The following PLCH2 variants were observed in gnomAD, a reference collection of about 807,000 sequenced individuals.
PLCH2 encodes 1-phosphatidylinositol 4,5-bisphosphate phosphodiesterase eta-2.
Under a neutral mutation model 134.7 loss-of-function variants are expected in PLCH2, and 98 were observed. The observed-to-expected ratio is 0.73, with a 90% CI of 0.62 to 0.86. The LOEUF is 0.86. Among genes scored for constraint, PLCH2 ranks in the 40% least tolerant of loss-of-function variants. PLCH2 has a pLI of 0.00. For missense variants in PLCH2, 1,994 were observed against 1,986.6 expected, an observed-to-expected ratio of 1.00 and a Z score of -0.07; for synonymous variants, 974 against 827.5, an observed-to-expected ratio of 1.18 and a Z score of -3.04.
Position 2,479,955 on chromosome 1 carries a change from C to G in PLCH2, c.493C>G (p.Arg165Gly). The stretch of plus-strand genomic sequence containing the variant: ...CATCAGCGACGAGGACAGCCTGGCT[C>G]GCCGCCAGCGCACCAGGGACCAATA... ...AGISDEDSLA[R>G]RQRTRDQWLK... Residue 165 changes from arginine to glycine, a missense_variant, in exon 3 of 22, where the codon CGC (arginine) becomes GGC (glycine). By Grantham distance (125) the Arg-to-Gly change is moderately radical. Coordinates refer to ENST00000378486, the MANE Select transcript of PLCH2 (RefSeq NM_014638.4). The G allele has an allele frequency of 1.2e-6, 2 of 1,606,760 alleles. No individual in the cohort carries two copies. Among genetic ancestry groups the G allele is most frequent in the Non-Finnish European group, 1.7e-6 (2 of 1,176,056 alleles).
At chr1:2,435,814 C>G (rs1227235010) in intron 2 of PLCH2, among the ~76,000 whole-genome samples, 1 of 132,142 alleles carries the variant, frequency 7.6e-6, no homozygotes, top group South Asian at 2.4e-4. Context: ...AGTGAGCCCC[C>G]ACACCTGGGG....
At chr1:2,436,920 C>A (rs1016145725) in intron 2 of PLCH2, among the ~76,000 whole-genome samples, 4 of 152,212 alleles carry the variant, frequency 2.6e-5, no homozygotes, top group Admixed American at 2.6e-4. Flanking sequence ...AGAGACCACC[C>A]AGCTGAGGCC....
At chr1:2,420,120 A>G in the PLCH2 span, among the ~76,000 whole-genome samples, 1 of 151,794 alleles carries the variant, frequency 6.6e-6, no homozygotes, top group African/African-American at 2.4e-5. Flanking sequence ...ATTGGTCAGG[A>G]GCTCATCAGT....
In PLCH2 at chr1:2,498,626, C is replaced by T. The variant is rs1183391890; in HGVS notation, c.2328C>T (p.Ser776=). The change falls in exon 17 of 22, where the codon TCC becomes TCT. Residue 776 remains serine (S), a synonymous_variant. Transcript: ENST00000378486. The surrounding 1 kb of genome is among the most constrained non-coding windows in gnomAD (Gnocchi z 5.4). ...SGQQLPKPRD[S]MLGDRGEIID... ...AGCAGCTTCCCAAGCCGCGCGACTC[C>T]ATGCTGGGGGACCGTGGGGAGGTGG... 3 of 1,563,518 alleles carry T rather than the reference C, an allele frequency of 1.9e-6. No homozygotes were observed. Among genetic ancestry groups the T allele is most frequent in the Non-Finnish European group, 2.6e-6 (3 of 1,153,822 alleles).
chr1:2,425,260 TACACAC>T (rs973711078), upstream of PLCH2, among the ~76,000 whole-genome samples: 4,287 of 150,356 alleles, frequency 0.029, 179 homozygotes, highest in African/African-American at 0.099. Context: ...CACACATACA[TACACAC>T]ATATACACAC....
chr1:2,446,907 A>G (rs1198914989), intron 2 of PLCH2, among the ~76,000 whole-genome samples: 1 of 152,120 alleles, frequency 6.6e-6, no homozygotes, highest in Non-Finnish European at 1.5e-5. Context: ...GTGTGTGTGC[A>G]CACCTCTGTG....
At chr1:2,501,233 G>A (rs977776828) in intron 20 of PLCH2, 4 of 152,216 alleles carry the variant, frequency 2.6e-5, no homozygotes, top group African/African-American at 9.6e-5. Flanking sequence ...CTCTGTGCAC[G>A]AGCACGGCTC....
chr1:2,475,670 C>T (rs781610895), upstream of PLCH2, among the ~76,000 whole-genome samples: 7 of 152,306 alleles, frequency 4.6e-5, no homozygotes, highest in East Asian at 1.9e-4. Flanking sequence ...TGGGGACAAA[C>T]GTGCCCTGGG....
Position 2,504,401 on chromosome 1 carries a change from T to C in PLCH2, c.3439T>C (p.Ser1147Pro). ...CGHRDSVSSS[S>P]SMSSSDTVID... is the part of the protein sequence containing the mutation. ...CCACCGAGACAGCGTTTCCTCCTCC[T>C]CCAGCATGTCATCCAGCGACACTGT... is the stretch of plus-strand genomic sequence containing the variant. Residue 1147 changes from serine to proline, a missense_variant, in exon 22 of 22, where the codon TCC (serine) becomes CCC (proline). By Grantham distance (74) the Ser-to-Pro change is moderately conservative. This residue lies in a region of PLCH2 where 900 missense variants were observed against 752.3 expected (regional missense o/e 1.20). Transcript: ENST00000378486. 2 of 1,611,542 alleles carry C rather than the reference T, an allele frequency of 1.2e-6. No individual in the cohort carries two copies. The highest frequency in any genetic ancestry group is 1.7e-6 in the Non-Finnish European group (2 of 1,179,684).
At position 2,505,313 on chromosome 1, in the gene PLCH2, C is replaced by T. The variant is rs1002211896; in HGVS notation, c.*100C>T. The stretch of plus-strand genomic sequence containing the variant: ...GGCAGCCAGGCCCCCAAAACTGTGT[C>T]CCCCTGGCTGCCCTGTGTCCCCTCC... On this transcript the variant is annotated 3_prime_UTR_variant, in exon 22 of 22. Coordinates refer to ENST00000378486, the MANE Select transcript of PLCH2 (RefSeq NM_014638.4). 13 of 888,604 alleles carry T rather than the reference C, an allele frequency of 1.5e-5. No individual in the cohort carries two copies. The highest frequency in any genetic ancestry group is 2.2e-5 in the Non-Finnish European group (13 of 598,390). The allele number at this position is 888,604 out of a possible 1,614,324, so 55.0% of individuals were successfully genotyped here.
intron 19 of PLCH2, 58 bp downstream of exon 19, chr1:2,499,288 G>A: frequency 6.3e-7 from 1 of 1,586,676 alleles, no homozygotes; most frequent in South Asian, 1.1e-5. Context: ...GGGCAGGGCA[G>A]GTACTCTTTC....
intron 11 of PLCH2, chr1:2,494,513 C>T (rs1642766457): frequency 4.9e-6 from 2 of 404,558 alleles, no homozygotes; most frequent in African/African-American, 4.1e-5. Context: ...GCAGTTATTA[C>T]GTAGTCACCA....
chr1:2,502,952 G>A, intron 21 of PLCH2: 1 of 717,150 alleles, frequency 1.4e-6, no homozygotes, highest in Non-Finnish European at 2.6e-6. Context: ...GCACGCCCCT[G>A]GCATGGCTGG....
intron 5 of PLCH2, among the ~76,000 whole-genome samples, chr1:2,485,428 G>A (rs539139602): frequency 6.6e-6 from 1 of 152,340 alleles, no homozygotes; most frequent in East Asian, 1.9e-4. Context: ...CTCCAGCCTC[G>A]TAGGAGTGCA....
chr1:2,496,072 A>C (rs1317495127), intron 13 of PLCH2, among the ~76,000 whole-genome samples: 10 of 139,502 alleles, frequency 7.2e-5, no homozygotes, highest in Admixed American at 1.4e-4. Flanking sequence ...CGTGCCGCCC[A>C]CTCCCTCCTA....
At chr1:2,456,234 G>A (rs1042759886) in intron 2 of PLCH2, among the ~76,000 whole-genome samples, 2 of 152,160 alleles carry the variant, frequency 1.3e-5, no homozygotes, top group African/African-American at 4.8e-5. Flanking sequence ...TTTCTCCCGG[G>A]CCTTTGTCGG....
chr1:2,425,270 T>C (rs1051264738), upstream of PLCH2, among the ~76,000 whole-genome samples: 9 of 142,802 alleles, frequency 6.3e-5, no homozygotes, highest in African/African-American at 1.5e-4. Flanking sequence ...TACACACATA[T>C]ACACACACAT....
At chr1:2,458,792 C>G (rs1450403303) in intron 2 of PLCH2, among the ~76,000 whole-genome samples, 1 of 152,238 alleles carries the variant, frequency 6.6e-6, no homozygotes, top group South Asian at 2.1e-4. Context: ...GGCCACGTTT[C>G]ATTCCCACTT....
chr1:2,432,373 G>A (rs1352691170), intron 2 of PLCH2, among the ~76,000 whole-genome samples: 1 of 152,152 alleles, frequency 6.6e-6, no homozygotes, highest in African/African-American at 2.4e-5. Context: ...GGGGGCCGTG[G>A]GACAGCACTG....
Sources: allele counts gnomAD v4.1 joint callset (sites outside exome capture counted in the v4.1 genomes callset), GRCh38; gene constraint gnomAD v4.1.1; regional missense constraint gnomAD v4.1.1; non-coding constraint Gnocchi (gnomAD v3.1); transcripts MANE v1.5; gene names NCBI Gene and HGNC (gene_info 2026-07-23, HGNC 2026-07-21).